Variants in ATP11B observed in about 807,000 individuals in gnomAD.
ATP11B encodes the protein phospholipid-transporting ATPase IF.
In ATP11B, 81 loss-of-function variants were observed where a neutral mutation model predicts 157.8. That is an observed-to-expected ratio of 0.51 (90% CI 0.43 to 0.62). ATP11B has a LOEUF of 0.62. Among genes scored for constraint, ATP11B ranks in the 20% least tolerant of loss-of-function variants. The probability of loss-of-function intolerance (pLI) is 0.00; values close to 1 mark genes in which losing one functional copy is unlikely to be tolerated. For missense variants in ATP11B, 1,165 were observed against 1,402.2 expected (o/e 0.83, Z 2.70); for synonymous variants, 451 against 469.4 (o/e 0.96, Z 0.51).
intron 6 of ATP11B, 109 bp from the exon 7 acceptor site, chr3:182,836,962 C>T (rs1021135826): frequency 1.4e-6 from 1 of 728,334 alleles, no homozygotes; most frequent in Non-Finnish European, 2.3e-6. Flanking sequence ...GCTGAGTGAT[C>T]TCAAGTACAG....
Position 182,889,359 on chromosome 3 carries a change from G to A in ATP11B, c.2844-51G>A, listed in dbSNP as rs1408016814. ...TCATATTATATTAATTGTTTAGTGG[G>A]CAAATAATAAATGATCCCTAATATG... On this transcript the variant is annotated intron_variant, in intron 24 of 29. Transcript: ENST00000323116. 7.8e-6 allele frequency: 10 copies of A among 1,286,196 alleles called. No individual in the cohort carries two copies. In the Admixed American group the frequency reaches 2.6e-4, roughly 33 times the overall value. 79.7% of individuals were successfully genotyped at this position (1,286,196 alleles called of 1,614,324 possible).
intron 23 of ATP11B, among the ~76,000 whole-genome samples, chr3:182,887,011 G>A (rs1722838415): frequency 6.6e-6 from 1 of 152,142 alleles, no homozygotes; most frequent in East Asian, 1.9e-4. Context: ...AATTTGGGAG[G>A]CAGTATTAAT....
intron 28 of ATP11B, among the ~76,000 whole-genome samples, chr3:182,899,966 T>C (rs1723839751): frequency 6.6e-6 from 1 of 152,180 alleles, no homozygotes; most frequent in Non-Finnish European, 1.5e-5. Context: ...TCTTCCCAGG[T>C]TGAGATTTTT....
At chr3:182,883,954 C>CAAAAAAAA (rs1170838231) in intron 21 of ATP11B, among the ~76,000 whole-genome samples, 1 of 63,416 alleles carries the variant, frequency 1.6e-5, no homozygotes, top group African/African-American at 4.5e-5. Context: ...GACTCCGTCT[C>CAAAAAAAA]AAAAAAAAAA....
Position 182,873,715 on chromosome 3 carries a change from A to G in ATP11B, c.2049-97A>G, listed in dbSNP as rs895114963. 9 of 1,017,556 alleles carry G rather than the reference A, an allele frequency of 8.8e-6. No individual in the cohort carries two copies. In the African/African-American group the frequency reaches 1.1e-4, roughly 13 times the overall value. 63.0% of individuals were successfully genotyped at this position (1,017,556 alleles called of 1,614,324 possible). On this transcript the variant is annotated intron_variant, in intron 18 of 29. Coordinates refer to ENST00000323116, the MANE Select transcript of ATP11B (RefSeq NM_014616.3). The stretch of plus-strand genomic sequence containing the variant: ...ATAATAACATTCCTAGGTCAAGTCA[A>G]AGAGTTTAGAATTATCCTTAAATAT...
chr3:182,827,825 G>T (rs556619716), intron 2 of ATP11B, among the ~76,000 whole-genome samples: 1 of 151,600 alleles, frequency 6.6e-6, no homozygotes, highest in South Asian at 2.1e-4. Flanking sequence ...TGTTGTTTTA[G>T]ATCTGCTTTC....
chr3:182,814,426 T>C (rs1716851282), intron 1 of ATP11B, among the ~76,000 whole-genome samples: 1 of 152,142 alleles, frequency 6.6e-6, no homozygotes, highest in Non-Finnish European at 1.5e-5. Flanking sequence ...ACTCAGAATG[T>C]GAAAACTAGA....
intron 6 of ATP11B, 30 bp downstream of exon 6, chr3:182,836,500 T>C: frequency 6.2e-7 from 1 of 1,613,098 alleles, no homozygotes; most frequent in South Asian, 1.1e-5. Context: ...AGTATTGCTC[T>C]TGGTGAACAA....
chr3:182,832,495 T>C (rs942441607), intron 4 of ATP11B, among the ~76,000 whole-genome samples: 2 of 152,208 alleles, frequency 1.3e-5, no homozygotes, highest in African/African-American at 2.4e-5. Flanking sequence ...TATTTATTAC[T>C]GTAGATCAAT....
intron 7 of ATP11B, among the ~76,000 whole-genome samples, chr3:182,838,800 T>TATATAC (rs141453930): frequency 9.5e-4 from 144 of 150,856 alleles, no homozygotes; most frequent in African/African-American, 3.4e-3. Flanking sequence ...TATATATATA[T>TATATAC]ACACACACAT....
intron 2 of ATP11B, among the ~76,000 whole-genome samples, chr3:182,826,488 T>G (rs561851962): frequency 3.9e-5 from 6 of 152,334 alleles, no homozygotes; most frequent in Non-Finnish European, 7.3e-5. Flanking sequence ...TAATTCCAAT[T>G]AAGATCACCT....
intron 7 of ATP11B, 33 bp from the exon 8 acceptor site, chr3:182,842,039 ATAT>A (rs1308670408): frequency 8.3e-7 from 1 of 1,205,624 alleles, no homozygotes; most frequent in Non-Finnish European, 1.2e-6. Context: ...GTCATAAGTG[ATAT>A]TATATGTTTT....
At chr3:182,858,092 G>C in intron 11 of ATP11B, 64 bp downstream of exon 11, 1 of 1,422,736 alleles carries the variant, frequency 7.0e-7, no homozygotes, top group Non-Finnish European at 9.7e-7. Context: ...TTAGTGCTTT[G>C]GTAGTGACTT....
At position 182,919,384 on chromosome 3, in the gene ATP11B, A is replaced by C. The variant is rs1427226133; in HGVS notation, c.*1280A>C. ...ATGCTAAGAATGATTAATCGGGTAC[A>C]TGTTACTGTAATTAACTCATTGCAC... On this transcript the variant is annotated 3_prime_UTR_variant, in exon 30 of 30. Transcript: ENST00000323116. The C allele has an allele frequency of 1.3e-5, 2 of 152,648 alleles. No individual in the cohort carries two copies. Among genetic ancestry groups the C allele is most frequent in the African/African-American group, 4.8e-5 (2 of 41,466 alleles). The allele number at this position is 152,648 out of a possible 1,614,324, so 9.5% of individuals were successfully genotyped here.
Position 182,918,586 on chromosome 3 carries a change from A to T in ATP11B, c.*482A>T. The T allele has an allele frequency of 2.6e-6, 1 of 382,802 alleles. No homozygotes were observed. The highest frequency in any genetic ancestry group is 4.5e-5 in the Admixed American group (1 of 22,356). The allele number at this position is 382,802 out of a possible 1,614,324, so 23.7% of individuals were successfully genotyped here. ...TTTAAAGCTTTTCATGGGAAAAGTT[A>T]ATGTGAATACTGAGGAATTTTGGTC... is the stretch of plus-strand genomic sequence containing the variant. On this transcript the variant is annotated 3_prime_UTR_variant, in exon 30 of 30. Coordinates refer to ENST00000323116, the MANE Select transcript of ATP11B (RefSeq NM_014616.3).
intron 8 of ATP11B, among the ~76,000 whole-genome samples, chr3:182,845,141 A>G (rs994930755): frequency 6.6e-6 from 1 of 151,994 alleles, no homozygotes; most frequent in Non-Finnish European, 1.5e-5. Flanking sequence ...AGTAGCTGGG[A>G]CTACAGGCGC....
intron 28 of ATP11B, among the ~76,000 whole-genome samples, chr3:182,902,275 T>C (rs1724019313): frequency 6.6e-6 from 1 of 152,186 alleles, no homozygotes; most frequent in Non-Finnish European, 1.5e-5. Flanking sequence ...AGAGTAACAA[T>C]GTGGTGTTAA....
chr3:182,918,289 A>T lies in ATP11B; in HGVS notation c.*185A>T, dbSNP rs1389443793. Reference sequence around the variant, plus strand: ...AGTACAAGCCCCTCCCAACACCCTTAATTTGAATCTGAACATGTTAAAATT... The same window carrying T: ...AGTACAAGCCCCTCCCAACACCCTTTATTTGAATCTGAACATGTTAAAATT... On this transcript the variant is annotated 3_prime_UTR_variant, in exon 30 of 30. Coordinates refer to ENST00000323116, the MANE Select transcript of ATP11B (RefSeq NM_014616.3). 2 of 683,548 alleles carry T rather than the reference A, an allele frequency of 2.9e-6. No homozygotes were observed. The highest frequency in any genetic ancestry group is 1.8e-5 in the African/African-American group (1 of 54,316). The allele number at this position is 683,548 out of a possible 1,614,324, so 42.3% of individuals were successfully genotyped here. A position where few individuals can be genotyped will look rare whatever the true frequency, so the allele number is the denominator to read the frequency against.
At chr3:182,868,942 C>A (rs879318126) in intron 15 of ATP11B, 136 bp from the exon 16 acceptor site, 2 of 578,614 alleles carry the variant, frequency 3.5e-6, no homozygotes, top group Non-Finnish European at 6.0e-6. Flanking sequence ...GGCATGTAAC[C>A]TATCATCATG....
Sources: allele counts gnomAD v4.1 joint callset (sites outside exome capture counted in the v4.1 genomes callset), GRCh38; gene constraint gnomAD v4.1.1; transcripts MANE v1.5; gene names NCBI Gene and HGNC (gene_info 2026-07-23, HGNC 2026-07-21).